CCDC171: variants seen among roughly 807,000 people sequenced by gnomAD.
CCDC171 encodes coiled-coil domain-containing protein 171.
In CCDC171, 177 loss-of-function variants were observed where a neutral mutation model predicts 168.2. The observed-to-expected ratio is 1.05, with a 90% CI of 0.93 to 1.19. The LOEUF (loss-of-function observed/expected upper bound fraction) is 1.19. Among genes scored for constraint, CCDC171 ranks in the 50% most tolerant of loss-of-function variants. CCDC171 has a pLI of 0.00. For missense variants in CCDC171, 1,991 were observed against 1,539.0 expected (o/e 1.29, Z -4.91); for synonymous variants, 687 against 540.8 (o/e 1.27, Z -3.75).
chr9:15,968,428 C>T (rs1012575577), intron 25 of CCDC171, among the ~76,000 whole-genome samples: 1 of 151,700 alleles, frequency 6.6e-6, no homozygotes, highest in Non-Finnish European at 1.5e-5. Context: ...AAAAGTGTTA[C>T]GTATTTCTGG....
chr9:15,871,466 C>G (rs575759495), intron 23 of CCDC171, among the ~76,000 whole-genome samples: 1 of 132,428 alleles, frequency 7.6e-6, no homozygotes, highest in South Asian at 2.5e-4. Context: ...AAAAGATAAA[C>G]TTTTCCTTTT....
downstream of CCDC171, among the ~76,000 whole-genome samples, chr9:15,978,444 AT>A (rs113875676): frequency 0.078 from 11,882 of 152,218 alleles, 1,512 homozygotes; most frequent in African/African-American, 0.27. Context: ...GTCCTGGCAC[AT>A]GGAGGTCATC....
chr9:15,590,883 T>C (rs539079675), intron 4 of CCDC171, among the ~76,000 whole-genome samples: 2 of 151,622 alleles, frequency 1.3e-5, no homozygotes, highest in South Asian at 4.2e-4. Context: ...TCTTTCTTTT[T>C]CTTTCTTTTA....
At chr9:15,930,872 G>A (rs992571168) in intron 25 of CCDC171, among the ~76,000 whole-genome samples, 3 of 151,630 alleles carry the variant, frequency 2.0e-5, no homozygotes, top group African/African-American at 7.3e-5. Context: ...GGTATAATTT[G>A]ATGTTTTGAT....
At position 15,591,541 on chromosome 9, in the gene CCDC171, A is replaced by G; in HGVS notation, c.528A>G (p.Leu176=). ...YDLLMKEKSR[L]EKTLQEALEK... Reference sequence around the variant, plus strand: ...TACTTATGAAAGAAAAAAGCAGACTAGAGAAAACTCTACAGGTAAAATAGT... The same window carrying G: ...TACTTATGAAAGAAAAAAGCAGACTGGAGAAAACTCTACAGGTAAAATAGT... Residue 176 remains leucine (L), a synonymous_variant, in exon 5 of 26, where the codon CTA becomes CTG. Transcript: ENST00000380701. 1 of 1,562,484 alleles carries G rather than the reference A, an allele frequency of 6.4e-7. No homozygotes were observed. Among genetic ancestry groups the G allele is most frequent in the East Asian group, 2.3e-5 (1 of 44,044 alleles).
At chr9:15,810,711 G>C (rs896966370) in intron 21 of CCDC171, among the ~76,000 whole-genome samples, 18 of 152,182 alleles carry the variant, frequency 1.2e-4, no homozygotes, top group African/African-American at 4.3e-4. Context: ...GGGGCCTGCC[G>C]AGCCCACGCC....
intron 20 of CCDC171, among the ~76,000 whole-genome samples, chr9:15,783,275 A>C (rs1328092496): frequency 6.6e-6 from 1 of 152,200 alleles, no homozygotes; most frequent in East Asian, 1.9e-4. Context: ...CCACGAGGAA[A>C]CTGTGACTAT....
At position 15,582,742 on chromosome 9, in the gene CCDC171, T is replaced by A. The variant is rs368144682; in HGVS notation, c.352+3719T>A. Among the ~76,000 whole-genome samples, 8 of 146,928 alleles carry A rather than the reference T, an allele frequency of 5.4e-5. No individual in the cohort carries two copies. The East Asian group carries it at 8.0e-4, about 15-fold the overall frequency. ...GTGGGAGTTGAACAGTGAGAACACA[T>A]GGACACAGGGAGGGGAACATCACAC... On this transcript the variant is annotated intron_variant, in intron 4 of 25. Coordinates refer to ENST00000380701, the MANE Select transcript of CCDC171 (RefSeq NM_173550.4).
intron 8 of CCDC171, among the ~76,000 whole-genome samples, chr9:15,664,855 C>T (rs375310703): frequency 5.1e-4 from 77 of 151,886 alleles, no homozygotes; most frequent in African/African-American, 1.6e-3. Flanking sequence ...CGCACCACCA[C>T]GCCTGGCTCA....
At chr9:15,896,457 T>C (rs539477887) in intron 24 of CCDC171, among the ~76,000 whole-genome samples, 14 of 152,162 alleles carry the variant, frequency 9.2e-5, no homozygotes, top group African/African-American at 2.4e-4. Context: ...ATGGGATAAG[T>C]CAAGTCCAGG....
At chr9:15,620,989 A>G (rs764934941) in intron 6 of CCDC171, among the ~76,000 whole-genome samples, 3 of 152,142 alleles carry the variant, frequency 2.0e-5, no homozygotes, top group African/African-American at 4.8e-5. Flanking sequence ...TTTTTGAGAC[A>G]GAGTCCTGCT....
At chr9:16,009,218 A>ACTAGAGTGGTCTGAC (rs961804032) in intron 3 of CCDC171, among the ~76,000 whole-genome samples, 1 of 152,108 alleles carries the variant, frequency 6.6e-6, no homozygotes, top group Non-Finnish European at 1.5e-5. Flanking sequence ...GTCCTTTCAA[A>ACTAGAGTGGTCTGAC]CTAGAGTGGT....
intron 7 of CCDC171, among the ~76,000 whole-genome samples, chr9:15,633,000 A>C (rs1402233378): frequency 1.3e-5 from 2 of 152,202 alleles, no homozygotes; most frequent in African/African-American, 4.8e-5. Context: ...TCCCTTCCTT[A>C]CCCATTACAC....
intron 18 of CCDC171, among the ~76,000 whole-genome samples, chr9:15,769,251 C>T (rs1043505727): frequency 6.6e-6 from 1 of 152,122 alleles, no homozygotes; most frequent in African/African-American, 2.4e-5. Context: ...CATTCTCTGA[C>T]TGAAGTAGTC....
chr9:15,838,424 C>T (rs939020039), intron 21 of CCDC171, among the ~76,000 whole-genome samples: 3 of 152,046 alleles, frequency 2.0e-5, no homozygotes, highest in African/African-American at 7.2e-5. Flanking sequence ...TATATGATTC[C>T]CAAACAGATC....
chr9:15,592,953 A>G, intron 5 of CCDC171, among the ~76,000 whole-genome samples: 1 of 151,972 alleles, frequency 6.6e-6, no homozygotes, highest in East Asian at 1.9e-4. Context: ...TACATGTGCC[A>G]TGCTGGTGTG....
intron 3 of CCDC171, among the ~76,000 whole-genome samples, chr9:15,573,598 T>G (rs1269110547): frequency 6.6e-6 from 1 of 151,672 alleles, no homozygotes; most frequent in Admixed American, 6.6e-5. Flanking sequence ...AGGTAATTTT[T>G]AAGTGATAAT....
At chr9:16,039,114 A>G (rs1331539147), upstream of CCDC171, among the ~76,000 whole-genome samples, 1 of 152,232 alleles carries the variant, frequency 6.6e-6, no homozygotes, top group Non-Finnish European at 1.5e-5. Flanking sequence ...TCAACAAGTC[A>G]TTTTGGGAAT....
chr9:15,581,108 A>G (rs1489625648), intron 4 of CCDC171, among the ~76,000 whole-genome samples: 5 of 152,218 alleles, frequency 3.3e-5, no homozygotes, highest in Admixed American at 2.0e-4. Flanking sequence ...TCAGTGTGCA[A>G]AAATTGCAAG....
Sources: gnomAD v4.1 joint callset for allele counts (sites outside exome capture counted in the v4.1 genomes callset) on GRCh38, gnomAD v4.1.1 for gene constraint, MANE v1.5 for transcripts, NCBI Gene and HGNC (gene_info 2026-07-23, HGNC 2026-07-21) for gene names.